Variants in NRG3 observed in about 807,000 individuals in gnomAD.
The protein encoded by NRG3 is neuregulin 3.
A neutral mutation model predicts 66.9 loss-of-function variants in NRG3; 31 were observed. The observed-to-expected ratio is 0.46, with a 90% CI of 0.35 to 0.63. The LOEUF is 0.63. Among genes scored for constraint, NRG3 ranks in the 20% least tolerant of loss-of-function variants. The probability of loss-of-function intolerance (pLI) is 0.00; values close to 1 mark genes in which losing one functional copy is unlikely to be tolerated. For missense variants in NRG3, 910 were observed against 878.9 expected, an observed-to-expected ratio of 1.04 and a Z score of -0.45; for synonymous variants, 393 against 359.4, an observed-to-expected ratio of 1.09 and a Z score of -1.06.
chr10:81,955,128 G>C (rs1006650108), intron 1 of NRG3, among the ~76,000 whole-genome samples: 5 of 147,466 alleles, frequency 3.4e-5, no homozygotes, highest in African/African-American at 1.2e-4. Context: ...ACATATACCT[G>C]TTATATAATA....
At chr10:82,917,986 A>C (rs1392547811) in intron 4 of NRG3, among the ~76,000 whole-genome samples, 1 of 121,506 alleles carries the variant, frequency 8.2e-6, no homozygotes, top group African/African-American at 2.8e-5. Context: ...ATATATATAT[A>C]TATATATGTA....
chr10:82,298,562 A>G (rs1260775317), intron 1 of NRG3, among the ~76,000 whole-genome samples: 2 of 152,140 alleles, frequency 1.3e-5, no homozygotes. Flanking sequence ...TTAACCATCC[A>G]TTGAGATGGA....
intron 1 of NRG3, among the ~76,000 whole-genome samples, chr10:81,957,253 C>T (rs927142892): frequency 6.6e-6 from 1 of 152,114 alleles, no homozygotes; most frequent in African/African-American, 2.4e-5. Flanking sequence ...GTGAATAAAA[C>T]TTAGGGTGTT....
chr10:82,858,274 G>GAGCC (rs1349844281), intron 3 of NRG3, among the ~76,000 whole-genome samples: 1 of 152,160 alleles, frequency 6.6e-6, no homozygotes, highest in Non-Finnish European at 1.5e-5. Flanking sequence ...ACTACAGCCA[G>GAGCC]AGCCAGCCCC....
intron 1 of NRG3, among the ~76,000 whole-genome samples, chr10:82,018,754 A>T (rs2061911042): frequency 6.6e-6 from 1 of 152,116 alleles, no homozygotes; most frequent in Non-Finnish European, 1.5e-5. Context: ...ATTGGTGTAT[A>T]AGAATGCTTG....
chr10:82,241,569 T>A (rs1040233170), intron 1 of NRG3, among the ~76,000 whole-genome samples: 5 of 152,166 alleles, frequency 3.3e-5, no homozygotes, highest in Middle Eastern at 3.2e-3. Context: ...TAATACATTT[T>A]AAATTGTCTG....
chr10:82,685,324 G>T (rs1283015255), intron 2 of NRG3, among the ~76,000 whole-genome samples: 1 of 152,218 alleles, frequency 6.6e-6, no homozygotes, highest in Non-Finnish European at 1.5e-5. Context: ...ACTGCAGTTG[G>T]AAGGAAGGAA....
At position 81,891,124 on chromosome 10, in the gene NRG3, G is replaced by A. The variant is rs139147481; in HGVS notation, c.823+14961G>A. ...ACTTTAATCTTCAATTATCAGTAAC[G>A]TGCAATTGGATGAACCTCTTGACCT... On this transcript the variant is annotated intron_variant, in intron 1 of 8. Coordinates refer to ENST00000372141, the MANE Select transcript of NRG3 (RefSeq NM_001010848.4). Among the ~76,000 whole-genome samples the A allele has an allele frequency of 5.7e-4, 87 of 152,228 alleles. No homozygotes were observed. The East Asian group carries it at 0.011, about 19-fold the overall frequency.
intron 1 of NRG3, among the ~76,000 whole-genome samples, chr10:81,894,280 G>T (rs1843311348): frequency 1.3e-5 from 2 of 152,184 alleles, no homozygotes; most frequent in Admixed American, 1.3e-4. Flanking sequence ...GGCAGAGGTT[G>T]CAGTGAGCCA....
At chr10:82,228,630 A>G (rs1176360315) in intron 1 of NRG3, among the ~76,000 whole-genome samples, 1 of 152,220 alleles carries the variant, frequency 6.6e-6, no homozygotes, top group Non-Finnish European at 1.5e-5. Flanking sequence ...TATTTGAACT[A>G]TAAAAGACTT....
chr10:81,904,665 T>A (rs893528539), intron 1 of NRG3, among the ~76,000 whole-genome samples: 13 of 152,174 alleles, frequency 8.5e-5, no homozygotes, highest in African/African-American at 3.1e-4. Context: ...CTGGGCCTTT[T>A]CATTTCTCAG....
At chr10:82,017,762 CT>C (rs1204747045) in intron 1 of NRG3, among the ~76,000 whole-genome samples, 1 of 152,178 alleles carries the variant, frequency 6.6e-6, no homozygotes, top group Non-Finnish European at 1.5e-5. Flanking sequence ...TGTTCATATC[CT>C]TCGCCCACTT....
chr10:82,705,930 A>G (rs1274865586), intron 2 of NRG3, among the ~76,000 whole-genome samples: 2 of 152,190 alleles, frequency 1.3e-5, no homozygotes, highest in Non-Finnish European at 2.9e-5. Flanking sequence ...GGTAAAAACT[A>G]TTGATTAAAA....
At position 82,261,696 on chromosome 10, in the gene NRG3, C is replaced by A. The variant is rs2078040755; in HGVS notation, c.824-97043C>A. On this transcript the variant is annotated intron_variant, in intron 1 of 8. Coordinates refer to ENST00000372141, the MANE Select transcript of NRG3 (RefSeq NM_001010848.4). Reference sequence around the variant, plus strand: ...TATGGGAAACAGGGATGGGCTGAAACAAAGGGATGGGCTCTGGCTAGTTAT... The same window carrying A: ...TATGGGAAACAGGGATGGGCTGAAAAAAAGGGATGGGCTCTGGCTAGTTAT... Among the ~76,000 whole-genome samples the A allele has an allele frequency of 2.6e-5, 4 of 152,260 alleles. No individual in the cohort carries two copies. In the South Asian group the frequency reaches 8.3e-4, roughly 32 times the overall value.
chr10:82,565,449 G>A (rs1401306110), intron 2 of NRG3, among the ~76,000 whole-genome samples: 2 of 152,062 alleles, frequency 1.3e-5, no homozygotes, highest in Non-Finnish European at 2.9e-5. Context: ...CAGGATCCAG[G>A]TTGTAGCTCC....
rs568117217 is a variant in NRG3, at chr10:82,211,142, G to C, written c.824-147597G>C. On this transcript the variant is annotated intron_variant, in intron 1 of 8. Coordinates refer to ENST00000372141, the MANE Select transcript of NRG3 (RefSeq NM_001010848.4). The stretch of plus-strand genomic sequence containing the variant: ...TCTTTGGAAGATAATATTAAAATAA[G>C]AACCTTCTAAAATGCAACCTTAGGC... 2.3e-4 allele frequency among the ~76,000 whole-genome samples: 35 copies of C among 152,172 alleles called. 1 individual carries two copies. In the South Asian group the frequency reaches 7.3e-3, roughly 32 times the overall value.
chr10:82,940,066 G>T (rs1387052763), intron 4 of NRG3, among the ~76,000 whole-genome samples: 1 of 152,116 alleles, frequency 6.6e-6, no homozygotes, highest in Non-Finnish European at 1.5e-5. Context: ...TGAGAAATGG[G>T]TATGTGCATT....
At chr10:82,789,310 C>G in intron 3 of NRG3, among the ~76,000 whole-genome samples, 1 of 152,134 alleles carries the variant, frequency 6.6e-6, no homozygotes, top group East Asian at 1.9e-4. Context: ...AATAGCTATT[C>G]AAATAATGTG....
chr10:82,699,490 C>G (rs1337162632), intron 2 of NRG3, among the ~76,000 whole-genome samples: 3 of 152,034 alleles, frequency 2.0e-5, no homozygotes, highest in Non-Finnish European at 4.4e-5. Flanking sequence ...TAGCTGCATC[C>G]TTGTTTTATT....
Sources: gnomAD v4.1 joint callset for allele counts (sites outside exome capture counted in the v4.1 genomes callset) on GRCh38, gnomAD v4.1.1 for gene constraint, MANE v1.5 for transcripts, NCBI Gene and HGNC (gene_info 2026-07-23, HGNC 2026-07-21) for gene names.